RARB: variants seen among roughly 807,000 people sequenced by gnomAD.
The protein encoded by RARB is retinoic acid receptor beta, also known as HBV-activated protein.
RARB carries 17 observed loss-of-function variants against 51.9 expected under a neutral mutation model. The ratio of observed to expected loss-of-function variants is 0.33; its 90% confidence interval spans 0.22 to 0.49. The LOEUF is 0.49. Ranked by LOEUF, RARB falls within the 20% of genes least tolerant of loss-of-function variation. The pLI is 0.99. For synonymous variants in RARB, 215 were observed against 195.4 expected (o/e 1.10, Z -0.84); for missense variants, 369 against 550.8 (o/e 0.67, Z 3.30).
intron 5 of RARB, among the ~76,000 whole-genome samples, chr3:25,421,003 A>C (rs973334058): frequency 9.9e-5 from 15 of 151,978 alleles, no homozygotes; most frequent in Non-Finnish European, 2.1e-4. Flanking sequence ...AAAAAAAAAA[A>C]AAAAAACAGA....
intron 5 of RARB, among the ~76,000 whole-genome samples, chr3:25,583,707 G>T (rs567480415): frequency 6.6e-6 from 1 of 152,280 alleles, no homozygotes; most frequent in South Asian, 2.1e-4. Flanking sequence ...TGCTCGGTGG[G>T]GACCATTTAG....
chr3:25,535,659 T>C (rs993766584), intron 3 of RARB, among the ~76,000 whole-genome samples: 7 of 152,022 alleles, frequency 4.6e-5, no homozygotes, highest in African/African-American at 1.7e-4. Context: ...GAACATGCGG[T>C]GTTTGGCTTT....
intron 5 of RARB, among the ~76,000 whole-genome samples, chr3:25,255,362 C>A (rs570910093): frequency 6.6e-6 from 1 of 152,128 alleles, no homozygotes; most frequent in Non-Finnish European, 1.5e-5. Flanking sequence ...TTCCCTCATA[C>A]CTTGAACATC....
intron 5 of RARB, among the ~76,000 whole-genome samples, chr3:25,385,584 C>A (rs1304881589): frequency 6.6e-6 from 1 of 152,088 alleles, no homozygotes; most frequent in Non-Finnish European, 1.5e-5. Context: ...TCAGCCAGAC[C>A]TTCAGATTAA....
Position 24,977,833 on chromosome 3 carries a change from G to A in RARB, c.-379-82292G>A, listed in dbSNP as rs1293181912. On this transcript the variant is annotated intron_variant, in intron 2 of 11. Coordinates refer to the RARB transcript ENST00000383772. Reference sequence around the variant, plus strand: ...GAGAGGGCATCCTTGTCTTGTGCCAGTTTTCAAAGGGAATGCTTCCAGTTT... The same window carrying A: ...GAGAGGGCATCCTTGTCTTGTGCCAATTTTCAAAGGGAATGCTTCCAGTTT... Among the ~76,000 whole-genome samples, 4 of 152,294 alleles carry A rather than the reference G, an allele frequency of 2.6e-5. No individual in the cohort carries two copies. In the South Asian group the frequency reaches 8.3e-4, roughly 32 times the overall value.
At chr3:25,310,166 G>A (rs901776613) in intron 5 of RARB, among the ~76,000 whole-genome samples, 7 of 152,152 alleles carry the variant, frequency 4.6e-5, no homozygotes, top group Admixed American at 1.3e-4. Flanking sequence ...TTTTTGGCAC[G>A]GTGACGAGCA....
At chr3:25,573,749 C>T (rs1700807040) in intron 4 of RARB, among the ~76,000 whole-genome samples, 1 of 152,194 alleles carries the variant, frequency 6.6e-6, no homozygotes, top group African/African-American at 2.4e-5. Flanking sequence ...GTCATCTTCA[C>T]CAGAGTGGCA....
At position 25,512,420 on chromosome 3, in the gene RARB, G is replaced by C. The variant is rs114594284; in HGVS notation, c.448+11097G>C. 3.5e-3 allele frequency among the ~76,000 whole-genome samples: 536 copies of C among 152,294 alleles called. 3 individuals carry two copies. Among genetic ancestry groups the C allele is most frequent in the African/African-American group, 0.012 (516 of 41,548 alleles). Reference sequence around the variant, plus strand: ...AGGTGATCTGATGTTGGAATTCATGGCACTTCATCGCTTACACAATCAACT... The same window carrying C: ...AGGTGATCTGATGTTGGAATTCATGCCACTTCATCGCTTACACAATCAACT... On this transcript the variant is annotated intron_variant, in intron 3 of 7. Transcript: ENST00000330688.
chr3:25,459,741 A>G (rs1695080787), intron 1 of RARB, among the ~76,000 whole-genome samples: 1 of 152,252 alleles, frequency 6.6e-6, no homozygotes, highest in South Asian at 2.1e-4. Context: ...TAATCCAGTC[A>G]GGAGAATATC....
At chr3:24,999,525 T>A (rs1170036329) in intron 2 of RARB, among the ~76,000 whole-genome samples, 1 of 152,166 alleles carries the variant, frequency 6.6e-6, no homozygotes, top group African/African-American at 2.4e-5. Flanking sequence ...TTTGTACATG[T>A]CTTCATAAAC....
Position 25,380,558 on chromosome 3 carries a change from A to G in RARB, c.179-80635A>G, listed in dbSNP as rs144805016. 3.9e-5 allele frequency among the ~76,000 whole-genome samples: 6 copies of G among 152,184 alleles called. No individual in the cohort carries two copies. In the East Asian group the frequency reaches 5.8e-4, roughly 15 times the overall value. On this transcript the variant is annotated intron_variant, in intron 5 of 11. Coordinates refer to the RARB transcript ENST00000383772. ...CTTTCCTCCAAAAGATTTATCCTGC[A>G]TGCCAACCCTTAGTGAAACTTTTCT...
chr3:25,014,381 T>C (rs894211746), intron 2 of RARB, among the ~76,000 whole-genome samples: 3 of 152,108 alleles, frequency 2.0e-5, no homozygotes, highest in African/African-American at 7.2e-5. Context: ...GAATTTAAGC[T>C]ATTTATGTGA....
chr3:25,553,281 G>A (rs1469311351), intron 3 of RARB, among the ~76,000 whole-genome samples: 2 of 152,016 alleles, frequency 1.3e-5, no homozygotes, highest in Non-Finnish European at 1.5e-5. Flanking sequence ...GAGGGAGGGT[G>A]GCCTCTGCCA....
intron 5 of RARB, chr3:25,260,080 G>A: frequency 2.6e-6 from 2 of 770,462 alleles, no homozygotes. Flanking sequence ...TGGGCACAAG[G>A]CCCAGATGAG....
At chr3:25,176,334 TTTCCTTCCTTCCTTCCTTCCTTCCTTCC>T (rs71057701) in intron 5 of RARB, among the ~76,000 whole-genome samples, 3 of 108,470 alleles carry the variant, frequency 2.8e-5, no homozygotes, top group East Asian at 2.9e-4. Context: ...TCTTTCTTTC[TTTCCTTCCTTCCTTCCTTCCTTCCTTCC>T]TTCCTTCCTT....
chr3:24,933,973 G>T (rs775769928), intron 2 of RARB, among the ~76,000 whole-genome samples: 23 of 152,090 alleles, frequency 1.5e-4, no homozygotes, highest in Non-Finnish European at 2.9e-4. Context: ...AATAAAAACT[G>T]TTTTTTAATA....
At chr3:24,988,144 C>T (rs927450386) in intron 2 of RARB, among the ~76,000 whole-genome samples, 1 of 152,132 alleles carries the variant, frequency 6.6e-6, no homozygotes, top group Non-Finnish European at 1.5e-5. Context: ...CTTGGGAGCA[C>T]TGATGTCATG....
Position 25,175,804 on chromosome 3 carries a change from C to T in RARB, c.178+1229C>T, listed in dbSNP as rs150901591. On this transcript the variant is annotated intron_variant, in intron 5 of 11. Coordinates refer to the RARB transcript ENST00000383772. ...TGGCTTGAACATTTGACCCTCATGT[C>T]TCTGGAATTGCCTAAAAACCTCCTC... Among the ~76,000 whole-genome samples, 849 of 152,256 alleles carry T rather than the reference C, an allele frequency of 5.6e-3. 2 individuals carry two copies. Among genetic ancestry groups the T allele is most frequent in the Non-Finnish European group, 9.5e-3 (645 of 68,028 alleles).
chr3:25,465,372 C>CTT, intron 2 of RARB, among the ~76,000 whole-genome samples: 1 of 152,268 alleles, frequency 6.6e-6, no homozygotes, highest in Non-Finnish European at 1.5e-5. Context: ...CTGGCCCAAC[C>CTT]ATTGGCTGGA....
Sources: allele counts gnomAD v4.1 joint callset (sites outside exome capture counted in the v4.1 genomes callset), GRCh38; gene constraint gnomAD v4.1.1; transcripts MANE v1.5; gene names NCBI Gene and HGNC (gene_info 2026-07-23, HGNC 2026-07-21).